The following ANKRD12 variants were observed in gnomAD, a reference collection of about 807,000 sequenced individuals.
ANKRD12 encodes ankyrin repeat domain-containing protein 12.
A neutral mutation model predicts 183.4 loss-of-function variants in ANKRD12; 85 were observed. The observed-to-expected ratio is 0.46, with a 90% CI of 0.39 to 0.56. The LOEUF (loss-of-function observed/expected upper bound fraction) is 0.56, where lower values mean the gene tolerates loss of function less well. Ranked by LOEUF, ANKRD12 falls within the 20% of genes least tolerant of loss-of-function variation. The pLI is 0.00. For missense variants in ANKRD12, 2,405 were observed against 2,357.1 expected, an observed-to-expected ratio of 1.02 and a Z score of -0.42; for synonymous variants, 914 against 800.2, an observed-to-expected ratio of 1.14 and a Z score of -2.40.
chr18:9,211,870 A>G, intron 6 of ANKRD12, 86 bp downstream of exon 6: 2 of 1,203,902 alleles, frequency 1.7e-6, no homozygotes, highest in South Asian at 3.0e-5. Flanking sequence ...TCTTTTATTC[A>G]TTTTGCTGAA....
In ANKRD12 at chr18:9,258,826, G is replaced by C; in HGVS notation, c.5559G>C (p.Leu1853=). The C allele has an allele frequency of 6.2e-7, 1 of 1,613,874 alleles. No homozygotes were observed. The highest frequency in any genetic ancestry group is 8.5e-7 in the Non-Finnish European group (1 of 1,179,860). ...AAATAGAAGAAAAACGCAAATTACT[G>C]TGTAGTGTGATTCCTCAAGCACCTC... ...RKKIEEKRKL[L]CSVIPQAPQY... Residue 1853 remains leucine, a synonymous_variant, in exon 9 of 13, where the codon CTG becomes CTC. Coordinates refer to ENST00000262126, the MANE Select transcript of ANKRD12 (RefSeq NM_015208.5).
At chr18:9,196,380 C>T (rs2034824602) in intron 3 of ANKRD12, among the ~76,000 whole-genome samples, 4 of 152,072 alleles carry the variant, frequency 2.6e-5, no homozygotes, top group Non-Finnish European at 5.9e-5. Flanking sequence ...TGTTTTAGCC[C>T]TGAACTAACC....
At chr18:9,279,341 C>G (rs1401036810) in intron 11 of ANKRD12, among the ~76,000 whole-genome samples, 2 of 152,068 alleles carry the variant, frequency 1.3e-5, no homozygotes, top group Non-Finnish European at 2.9e-5. Context: ...ATAATTAAAC[C>G]TACCATCCCA....
intron 10 of ANKRD12, among the ~76,000 whole-genome samples, chr18:9,268,356 G>A (rs2039417536): frequency 1.3e-5 from 2 of 152,104 alleles, no homozygotes; most frequent in Admixed American, 1.3e-4. Flanking sequence ...GATGAACATC[G>A]ATGCAAAAAT....
At chr18:9,144,621 C>T (rs1031722552) in intron 1 of ANKRD12, among the ~76,000 whole-genome samples, 2 of 152,170 alleles carry the variant, frequency 1.3e-5, no homozygotes, top group South Asian at 2.1e-4. Context: ...ATTACAACTA[C>T]TCCATAGTTG....
At chr18:9,153,581 A>C (rs915185862) in intron 1 of ANKRD12, among the ~76,000 whole-genome samples, 1 of 152,132 alleles carries the variant, frequency 6.6e-6, no homozygotes, top group African/African-American at 2.4e-5. Context: ...ATTTAATCTG[A>C]GTTCTTTCAC....
At chr18:9,270,243 C>T (rs570990949) in intron 10 of ANKRD12, among the ~76,000 whole-genome samples, 1 of 152,262 alleles carries the variant, frequency 6.6e-6, no homozygotes, top group Non-Finnish European at 1.5e-5. Flanking sequence ...TACCATTTGA[C>T]CCAGCCATCC....
At chr18:9,214,511 T>C (rs1257989993) in intron 6 of ANKRD12, among the ~76,000 whole-genome samples, 1 of 120,620 alleles carries the variant, frequency 8.3e-6, no homozygotes, top group Non-Finnish European at 1.9e-5. Context: ...GTCTCTCCAG[T>C]AAGTTGCATG....
Position 9,285,467 on chromosome 18 carries a change from G to A in ANKRD12, c.*4341G>A, listed in dbSNP as rs1459024673. On this transcript the variant is annotated 3_prime_UTR_variant, in exon 13 of 13. Transcript: ENST00000262126. The stretch of plus-strand genomic sequence containing the variant: ...AAAAAAAAAGTATATCACATATGTA[G>A]CATGTGTTTACAAGTTTAAAAGGCA... 6.7e-6 allele frequency: 1 copy of A among 148,862 alleles called. No individual in the cohort carries two copies. 9.2% of individuals were successfully genotyped at this position (148,862 alleles called of 1,614,324 possible). A position where few individuals can be genotyped will look rare whatever the true frequency, so the allele number is the denominator to read the frequency against.
At chr18:9,164,535 T>G (rs535435206) in intron 1 of ANKRD12, among the ~76,000 whole-genome samples, 17 of 152,324 alleles carry the variant, frequency 1.1e-4, no homozygotes, top group Admixed American at 2.0e-4. Flanking sequence ...ATGTGGGCAT[T>G]TAGTGCTATA....
chr18:9,174,488 G>C (rs1014960004), intron 1 of ANKRD12, among the ~76,000 whole-genome samples: 11 of 152,214 alleles, frequency 7.2e-5, no homozygotes, highest in Admixed American at 1.3e-4. Flanking sequence ...GTAAGGCCCT[G>C]GTGGCCTGGG....
chr18:9,161,699 A>G (rs1278925405), intron 1 of ANKRD12, among the ~76,000 whole-genome samples: 2 of 151,832 alleles, frequency 1.3e-5, no homozygotes, highest in Non-Finnish European at 2.9e-5. Flanking sequence ...AATAGAAAAA[A>G]GAATTGTGTA....
intron 1 of ANKRD12, among the ~76,000 whole-genome samples, chr18:9,165,869 C>A (rs1286173136): frequency 3.1e-5 from 4 of 130,324 alleles, no homozygotes; most frequent in Non-Finnish European, 4.9e-5. Context: ...TCCCTCCCCC[C>A]CTCCCCCCAC....
intron 6 of ANKRD12, among the ~76,000 whole-genome samples, 157 bp downstream of exon 6, chr18:9,211,941 C>T (rs1303521661): frequency 1.3e-5 from 2 of 151,994 alleles, no homozygotes; most frequent in Non-Finnish European, 2.9e-5. Flanking sequence ...CATAAAACCC[C>T]TGATTTCTAC....
At position 9,264,428 on chromosome 18, in the gene ANKRD12, G is replaced by T. The variant is rs144126208; in HGVS notation, c.5763+540G>T. ...GGGAGGGTTGAGGACCTCTGAAAAT[G>T]TGGTGTAAACTATGATCCTTCTTCA... is the stretch of plus-strand genomic sequence containing the variant. On this transcript the variant is annotated intron_variant, in intron 10 of 12. Transcript: ENST00000262126. Among the ~76,000 whole-genome samples, 599 of 152,266 alleles carry T rather than the reference G, an allele frequency of 3.9e-3. 5 individuals carry two copies. The highest frequency in any genetic ancestry group is 0.014 in the African/African-American group (582 of 41,536).
chr18:9,269,337 G>T (rs1325291975), intron 10 of ANKRD12, among the ~76,000 whole-genome samples: 1 of 152,140 alleles, frequency 6.6e-6, no homozygotes, highest in East Asian at 1.9e-4. Context: ...AAAGAACAAA[G>T]CTGGAGGCAT....
rs191449964 is a variant in ANKRD12 at position 9,191,894 on chromosome 18, C to G, written c.88-3657C>G. ...AATTAGAGAAACAGCTCCCATACCC[C>G]AGAACCCACTGAAATTATTCAAGGT... On this transcript the variant is annotated intron_variant, in intron 2 of 12. Transcript: ENST00000262126. Among the ~76,000 whole-genome samples the G allele has an allele frequency of 2.6e-3, 393 of 152,312 alleles. 2 individuals are homozygous for G. The highest frequency in any genetic ancestry group is 4.4e-3 in the Non-Finnish European group (301 of 68,028).
intron 8 of ANKRD12, among the ~76,000 whole-genome samples, chr18:9,249,950 A>C (rs1295118918): frequency 6.6e-6 from 1 of 152,224 alleles, no homozygotes; most frequent in African/African-American, 2.4e-5. Flanking sequence ...ACACACTGTG[A>C]AATCAGACAG....
At chr18:9,244,360 C>CT (rs886073788) in intron 8 of ANKRD12, among the ~76,000 whole-genome samples, 6 of 151,672 alleles carry the variant, frequency 4.0e-5, no homozygotes, top group East Asian at 1.9e-4. Flanking sequence ...AGACTTAACT[C>CT]TTTTTTTTGA....
Sources: gnomAD v4.1 joint callset for allele counts (sites outside exome capture counted in the v4.1 genomes callset) on GRCh38, gnomAD v4.1.1 for gene constraint, MANE v1.5 for transcripts, NCBI Gene and HGNC (gene_info 2026-07-23, HGNC 2026-07-21) for gene names.